The following EMCN variants were observed in gnomAD, a reference collection of about 807,000 sequenced individuals.
EMCN encodes MUC-14.
EMCN carries 37 observed loss-of-function variants against 38.4 expected under a neutral mutation model. That is an observed-to-expected ratio of 0.96 (90% CI 0.74 to 1.27). EMCN has a LOEUF of 1.27. EMCN is among the 50% of genes most tolerant of loss of function. The pLI is 0.00. For missense variants in EMCN, 318 were observed against 302.8 expected, an observed-to-expected ratio of 1.05 and a Z score of -0.37; for synonymous variants, 95 against 100.8, an observed-to-expected ratio of 0.94 and a Z score of 0.35.
At chr4:100,476,788 A>G (rs1374408202) in intron 2 of EMCN, among the ~76,000 whole-genome samples, 1 of 152,224 alleles carries the variant, frequency 6.6e-6, no homozygotes, top group Non-Finnish European at 1.5e-5. Flanking sequence ...TTGCCACTTC[A>G]AAATTCTATG....
intron 1 of EMCN, among the ~76,000 whole-genome samples, chr4:100,480,539 A>C (rs1029719164): frequency 2.0e-5 from 3 of 151,014 alleles, no homozygotes; most frequent in African/African-American, 7.3e-5. Context: ...TAAAGACAAG[A>C]GTATACATAT....
In EMCN at chr4:100,425,075, A is replaced by G. The variant is rs185678753; in HGVS notation, c.416-1671T>C. ...AGTGGAAAGATTTGGTGGCTGCTTG[A>G]ACAAATACTTTAAAAATTTGTTTTG... On this transcript the variant is annotated intron_variant, in intron 5 of 11. Coordinates refer to ENST00000296420, the MANE Select transcript of EMCN (RefSeq NM_016242.4). Among the ~76,000 whole-genome samples, 263 of 151,822 alleles carry G rather than the reference A, an allele frequency of 1.7e-3. 1 individual carries two copies. The highest frequency in any genetic ancestry group is 6.0e-3 in the African/African-American group (250 of 41,384).
At chr4:100,513,396 A>G (rs1357934718) in intron 1 of EMCN, among the ~76,000 whole-genome samples, 2 of 152,184 alleles carry the variant, frequency 1.3e-5, no homozygotes, top group Admixed American at 1.3e-4. Flanking sequence ...AATGACGCAT[A>G]AAGATGTATG....
intron 1 of EMCN, chr4:100,487,115 C>A (rs1309399913): frequency 1.6e-6 from 1 of 608,482 alleles, no homozygotes; most frequent in Admixed American, 6.3e-5. Context: ...TGCTCCTTGG[C>A]CTTCAGACAC....
chr4:100,427,419 G>C (rs1727079522), intron 5 of EMCN, among the ~76,000 whole-genome samples: 1 of 150,820 alleles, frequency 6.6e-6, no homozygotes, highest in Non-Finnish European at 1.5e-5. Flanking sequence ...CCACAGGTGT[G>C]CACCACCACA....
At chr4:100,411,080 G>T (rs1284127765) in intron 10 of EMCN, among the ~76,000 whole-genome samples, 2 of 152,062 alleles carry the variant, frequency 1.3e-5, no homozygotes, top group Non-Finnish European at 2.9e-5. Flanking sequence ...TCATCATTTT[G>T]CTCCAGCTTT....
At chr4:100,408,038 T>C (rs1198132191) in intron 11 of EMCN, among the ~76,000 whole-genome samples, 2 of 152,340 alleles carry the variant, frequency 1.3e-5, no homozygotes, top group East Asian at 3.9e-4. Flanking sequence ...CAATGTGTTA[T>C]GAAATTCTTG....
At chr4:100,512,097 G>A (rs3775369) in intron 1 of EMCN, among the ~76,000 whole-genome samples, 6,237 of 152,216 alleles carry the variant, frequency 0.041, 307 homozygotes, top group East Asian at 0.25. Context: ...GGTTACACCC[G>A]TGCGTAGCTG....
chr4:100,470,103 G>C lies in EMCN; in HGVS notation c.260-4564C>G, dbSNP rs145071444. On this transcript the variant is annotated intron_variant, in intron 3 of 11. Coordinates refer to ENST00000296420, the MANE Select transcript of EMCN (RefSeq NM_016242.4). ...AAAGAAACTATCAAAAGAATAAACA[G>C]ATAACCTACAGAATGGGGGAAATTT... 7.6e-4 allele frequency among the ~76,000 whole-genome samples: 115 copies of C among 152,012 alleles called. 1 individual carries two copies. In the East Asian group the frequency reaches 0.018, roughly 24 times the overall value.
chr4:100,509,886 T>C (rs534766877), intron 1 of EMCN, among the ~76,000 whole-genome samples: 11 of 149,918 alleles, frequency 7.3e-5, no homozygotes, highest in Non-Finnish European at 1.0e-4. Flanking sequence ...TGTGAGTTAA[T>C]GTTAACTTAT....
At chr4:100,465,686 C>T in intron 3 of EMCN, 147 bp from the exon 4 acceptor site, 1 of 466,770 alleles carries the variant, frequency 2.1e-6, no homozygotes, top group Non-Finnish European at 3.8e-6. Flanking sequence ...TTAACATTCA[C>T]CTTTTGGTGA....
At chr4:100,453,819 A>G (rs1191143693) in intron 4 of EMCN, among the ~76,000 whole-genome samples, 2 of 152,176 alleles carry the variant, frequency 1.3e-5, no homozygotes, top group Non-Finnish European at 2.9e-5. Flanking sequence ...TGGCACATAT[A>G]CACCATGGAA....
At chr4:100,414,297 G>A (rs1726649584) in intron 10 of EMCN, among the ~76,000 whole-genome samples, 1 of 149,816 alleles carries the variant, frequency 6.7e-6, no homozygotes, top group African/African-American at 2.5e-5. Context: ...GTCACACTTA[G>A]GATCTCTCAT....
chr4:100,445,555 A>C (rs749894662), intron 5 of EMCN, among the ~76,000 whole-genome samples: 1 of 152,196 alleles, frequency 6.6e-6, no homozygotes, highest in South Asian at 2.1e-4. Flanking sequence ...CAGGACTAGT[A>C]ATTCTATGGG....
At chr4:100,442,398 C>A (rs754951855) in intron 5 of EMCN, among the ~76,000 whole-genome samples, 1 of 152,104 alleles carries the variant, frequency 6.6e-6, no homozygotes, top group Non-Finnish European at 1.5e-5. Flanking sequence ...TTTTGGAGGG[C>A]CTTTGAGCTT....
intron 11 of EMCN, among the ~76,000 whole-genome samples, chr4:100,406,942 G>A (rs898777487): frequency 2.6e-5 from 4 of 152,056 alleles, no homozygotes; most frequent in Non-Finnish European, 4.4e-5. Flanking sequence ...GGATAGTTAA[G>A]TCTTCTTGTT....
rs1295217946 is a variant in EMCN at position 100,469,645 on chromosome 4, T to C, written c.260-4106A>G. Among the ~76,000 whole-genome samples, 18 of 61,358 alleles carry C rather than the reference T, an allele frequency of 2.9e-4. 2 individuals are homozygous for C. The highest frequency in any genetic ancestry group is 2.3e-3 in the South Asian group (4 of 1,760). 40.3% of individuals were successfully genotyped at this position (61,358 alleles called of 152,430 possible). ...AGGGGTACAGTTTTAATCTTCTGCA[T>C]ATGGCTAGCCAATTATTCCAGCTTC... On this transcript the variant is annotated intron_variant, in intron 3 of 11. Transcript: ENST00000296420.
chr4:100,400,711 T>C (rs1726234083), intron 11 of EMCN, among the ~76,000 whole-genome samples: 1 of 152,180 alleles, frequency 6.6e-6, no homozygotes, highest in Admixed American at 6.6e-5. Context: ...TTTGTGCTAA[T>C]AGGATAATGC....
chr4:100,482,507 A>G (rs1157828322), intron 1 of EMCN, among the ~76,000 whole-genome samples: 1 of 152,180 alleles, frequency 6.6e-6, no homozygotes, highest in Non-Finnish European at 1.5e-5. Flanking sequence ...TAATATATCC[A>G]TGCAGGGAGA....
Sources: gnomAD v4.1 joint callset for allele counts (sites outside exome capture counted in the v4.1 genomes callset) on GRCh38, gnomAD v4.1.1 for gene constraint, MANE v1.5 for transcripts, NCBI Gene and HGNC (gene_info 2026-07-23, HGNC 2026-07-21) for gene names.